KAZN: variants seen among roughly 807,000 people sequenced by gnomAD.
The protein encoded by KAZN is kazrin.
Under a neutral mutation model 87.4 loss-of-function variants are expected in KAZN, and 40 were observed. The observed-to-expected ratio is 0.46, with a 90% CI of 0.36 to 0.60. The LOEUF is 0.60. Ranked by LOEUF, KAZN falls within the 20% of genes least tolerant of loss-of-function variation. KAZN has a pLI of 0.00. For missense variants in KAZN, 898 were observed against 1,073.9 expected, an observed-to-expected ratio of 0.84 and a Z score of 2.29; for synonymous variants, 466 against 458.3, an observed-to-expected ratio of 1.02 and a Z score of -0.22.
At chr1:14,085,948 G>A (rs1444248446) in intron 1 of KAZN, among the ~76,000 whole-genome samples, 2 of 152,092 alleles carry the variant, frequency 1.3e-5, no homozygotes, top group African/African-American at 2.4e-5. Flanking sequence ...AAAATGTGAA[G>A]TGATACCCCA....
chr1:14,250,234 T>C (rs570448804), intron 2 of KAZN, among the ~76,000 whole-genome samples: 2 of 152,306 alleles, frequency 1.3e-5, no homozygotes, highest in South Asian at 4.1e-4. Flanking sequence ...AGGAAGTATT[T>C]AGTTTCATGG....
At chr1:14,880,468 G>A (rs1388693785) in intron 1 of KAZN, among the ~76,000 whole-genome samples, 1 of 152,180 alleles carries the variant, frequency 6.6e-6, no homozygotes, top group Admixed American at 6.5e-5. Context: ...ATTTGAACAT[G>A]CTCATGGGTT....
At chr1:14,125,959 G>A (rs1360236987) in intron 1 of KAZN, among the ~76,000 whole-genome samples, 5 of 135,600 alleles carry the variant, frequency 3.7e-5, no homozygotes, top group African/African-American at 1.3e-4. Context: ...AGTGTGGTGC[G>A]GGGTGGGGTG....
intron 2 of KAZN, among the ~76,000 whole-genome samples, chr1:14,499,919 A>G (rs974706813): frequency 6.6e-6 from 1 of 152,198 alleles, no homozygotes; most frequent in Non-Finnish European, 1.5e-5. Context: ...CAGCAGGCGC[A>G]GTAGCAGAGG....
intron 1 of KAZN, among the ~76,000 whole-genome samples, chr1:14,945,552 CA>C (rs1661660806): frequency 6.6e-6 from 1 of 152,222 alleles, no homozygotes; most frequent in South Asian, 2.1e-4. Context: ...CCCCTCCCCC[CA>C]CCCCGGCTGG....
chr1:14,991,888 G>A (rs146443689), intron 2 of KAZN, among the ~76,000 whole-genome samples: 22 of 152,310 alleles, frequency 1.4e-4, no homozygotes, highest in African/African-American at 3.8e-4. Flanking sequence ...CTAGCCCTTC[G>A]ACTGAGGAGT....
intron 1 of KAZN, among the ~76,000 whole-genome samples, chr1:14,669,468 G>A (rs1639781450): frequency 6.6e-6 from 1 of 152,194 alleles, no homozygotes; most frequent in Admixed American, 6.5e-5. Context: ...CAAGAGCTGG[G>A]CGCGGTGGCT....
intron 14 of KAZN, chr1:15,113,201 C>G (rs1432814848): frequency 6.6e-6 from 1 of 152,168 alleles, no homozygotes; most frequent in African/African-American, 2.4e-5. Flanking sequence ...TTAAGAAGCT[C>G]CATTCTAGAA....
chr1:15,073,847 T>C (rs551864946), intron 8 of KAZN, among the ~76,000 whole-genome samples: 7 of 152,196 alleles, frequency 4.6e-5, no homozygotes, highest in Non-Finnish European at 4.4e-5. Flanking sequence ...CACCAGACCA[T>C]GAGCCCTAAA....
intron 1 of KAZN, among the ~76,000 whole-genome samples, chr1:14,884,815 C>A (rs1318259150): frequency 6.6e-6 from 1 of 152,240 alleles, no homozygotes; most frequent in Non-Finnish European, 1.5e-5. Context: ...CCTTCCCCCA[C>A]ACAGTTTTTC....
intron 1 of KAZN, among the ~76,000 whole-genome samples, chr1:14,921,381 T>C (rs1268174561): frequency 6.6e-6 from 1 of 152,158 alleles, no homozygotes; most frequent in Non-Finnish European, 1.5e-5. Context: ...ATAAAGACTT[T>C]TAGATATGTT....
At chr1:14,035,556 C>A (rs1168178564) in intron 1 of KAZN, among the ~76,000 whole-genome samples, 1 of 151,334 alleles carries the variant, frequency 6.6e-6, no homozygotes, top group African/African-American at 2.4e-5. Context: ...GCCTCCTGGG[C>A]TCAAGCAATC....
In KAZN at chr1:14,062,381, G is replaced by A. The variant is rs1397975235; in HGVS notation, c.92-118054G>A. Among the ~76,000 whole-genome samples, 4 of 152,150 alleles carry A rather than the reference G, an allele frequency of 2.6e-5. No homozygotes were observed. In the East Asian group the frequency reaches 7.7e-4, roughly 29 times the overall value. On this transcript the variant is annotated intron_variant, in intron 1 of 16. Coordinates refer to the KAZN transcript ENST00000636203. Reference sequence around the variant, plus strand: ...CATCCTACTTGAGGCACTACACTGTGCAAAAGAGGGTTTTCAGTTTCCCAC... The same window carrying A: ...CATCCTACTTGAGGCACTACACTGTACAAAAGAGGGTTTTCAGTTTCCCAC...
In KAZN at chr1:14,086,448, G is replaced by C. The variant is rs762606840; in HGVS notation, c.92-93987G>C. 9.2e-4 allele frequency among the ~76,000 whole-genome samples: 140 copies of C among 151,978 alleles called. 1 individual carries two copies. The highest frequency in any genetic ancestry group is 1.4e-3 in the Non-Finnish European group (93 of 68,014). ...CTCCCACTTATAAGTGAGACCATAT[G>C]GTAGGTATTTGGTTCTCCCAGTCTA... On this transcript the variant is annotated intron_variant, in intron 1 of 16. Coordinates refer to the KAZN transcript ENST00000636203.
chr1:14,680,728 C>T (rs1343920462), intron 1 of KAZN, among the ~76,000 whole-genome samples: 1 of 152,022 alleles, frequency 6.6e-6, no homozygotes, highest in Non-Finnish European at 1.5e-5. Flanking sequence ...TTTTCTGTTC[C>T]TGTGTTAGTT....
At chr1:14,678,708 G>A (rs957017508) in intron 1 of KAZN, among the ~76,000 whole-genome samples, 9 of 152,240 alleles carry the variant, frequency 5.9e-5, no homozygotes, top group Admixed American at 1.3e-4. Context: ...TACTACAGAT[G>A]GTGTTAAACT....
At chr1:13,955,952 G>A (rs926047662) in intron 1 of KAZN, among the ~76,000 whole-genome samples, 21 of 152,100 alleles carry the variant, frequency 1.4e-4, no homozygotes, top group Admixed American at 1.3e-3. Context: ...TCTAAGAAAC[G>A]TCCTTCTATT....
At chr1:14,344,163 C>CT (rs55837460) in intron 2 of KAZN, among the ~76,000 whole-genome samples, 11,967 of 122,474 alleles carry the variant, frequency 0.098, 810 homozygotes, top group Non-Finnish European at 0.14. Context: ...TTCATGTATT[C>CT]TTTTTTTTTT....
chr1:14,424,457 C>A (rs986383144), intron 2 of KAZN, among the ~76,000 whole-genome samples: 9 of 152,140 alleles, frequency 5.9e-5, no homozygotes, highest in African/African-American at 2.2e-4. Flanking sequence ...ACACAGCTCC[C>A]CAGCAAGCGA....
Sources: allele counts gnomAD v4.1 joint callset (sites outside exome capture counted in the v4.1 genomes callset), GRCh38; gene constraint gnomAD v4.1.1; transcripts MANE v1.5; gene names NCBI Gene and HGNC (gene_info 2026-07-23, HGNC 2026-07-21).